SEMA5A: variants seen among roughly 807,000 people sequenced by gnomAD.
SEMA5A encodes the protein semaphorin 5A.
SEMA5A carries 55 observed loss-of-function variants against 135.5 expected under a neutral mutation model. The ratio of observed to expected loss-of-function variants is 0.41; its 90% confidence interval spans 0.33 to 0.51. The LOEUF (loss-of-function observed/expected upper bound fraction) is 0.51. Among genes scored for constraint, SEMA5A ranks in the 20% least tolerant of loss-of-function variants. The probability of loss-of-function intolerance (pLI) is 0.37; values close to 1 mark genes in which losing one functional copy is unlikely to be tolerated. For missense variants in SEMA5A, 1,290 were observed against 1,419.9 expected (o/e 0.91, Z 1.47); for synonymous variants, 580 against 546.5 (o/e 1.06, Z -0.85).
At chr5:9,286,217 A>G (rs1285116597) in intron 5 of SEMA5A, among the ~76,000 whole-genome samples, 1 of 152,130 alleles carries the variant, frequency 6.6e-6, no homozygotes, top group Non-Finnish European at 1.5e-5. Flanking sequence ...ATAAAAAGAA[A>G]CACCCGGGAG....
At chr5:9,136,177 C>T (rs6862429) in intron 13 of SEMA5A, among the ~76,000 whole-genome samples, 90,796 of 151,954 alleles carry the variant, frequency 0.6, 28,349 homozygotes, top group African/African-American at 0.76. Flanking sequence ...CTTTTATTAG[C>T]GCTGTAAGGG....
intron 3 of SEMA5A, among the ~76,000 whole-genome samples, chr5:9,351,450 A>G (rs1305741835): frequency 6.6e-6 from 1 of 150,854 alleles, no homozygotes; most frequent in Non-Finnish European, 1.5e-5. Flanking sequence ...CTTTCTTCAC[A>G]TATTTTATAG....
At chr5:9,209,705 A>G (rs1561024373) in intron 8 of SEMA5A, among the ~76,000 whole-genome samples, 1 of 152,192 alleles carries the variant, frequency 6.6e-6, no homozygotes, top group African/African-American at 2.4e-5. Flanking sequence ...GGGCAAAAAG[A>G]AGACCAAGAC....
intron 2 of SEMA5A, among the ~76,000 whole-genome samples, chr5:9,432,720 A>G (rs969074991): frequency 6.6e-6 from 1 of 152,166 alleles, no homozygotes; most frequent in Non-Finnish European, 1.5e-5. Context: ...ATTTTACATC[A>G]GTGCTCGAGA....
intron 3 of SEMA5A, among the ~76,000 whole-genome samples, chr5:9,345,927 G>C (rs147489945): frequency 9.8e-4 from 149 of 152,262 alleles, no homozygotes; most frequent in Non-Finnish European, 1.9e-3. Context: ...ACATATACAT[G>C]ATAGGGAGAG....
Position 9,119,112 on chromosome 5 carries a change from C to G in SEMA5A, c.1811G>C (p.Trp604Ser). The G allele has an allele frequency of 1.2e-6, 2 of 1,613,798 alleles. No homozygotes were observed. Among genetic ancestry groups the G allele is most frequent in the Non-Finnish European group, 1.7e-6 (2 of 1,179,948 alleles). Residue 604 changes from tryptophan (W) to serine (S), a missense_variant, in exon 15 of 23, where the codon TGG (tryptophan) becomes TCG (serine). By Grantham distance (177) the Trp-to-Ser change is radical. Around this residue, in one of 3 missense-constraint regions of SEMA5A, gnomAD observed 1,029 missense variants for 1,086.6 expected, o/e 0.95. Coordinates refer to ENST00000382496, the MANE Select transcript of SEMA5A (RefSeq NM_003966.3). ...RNGGWTPWTS[W>S]SPCSTTCGIG... ...CCCACAGGTAGTGCTGCAGGGAGAC[C>G]ACGAGGTCCAGGGAGTCCAGCCTCC... is the stretch of plus-strand genomic sequence containing the variant.
Position 9,337,746 on chromosome 5 carries a change from T to C in SEMA5A, c.191A>G (p.Asp64Gly). 1 of 1,611,942 alleles carries C rather than the reference T, an allele frequency of 6.2e-7. No individual in the cohort carries two copies. The highest frequency in any genetic ancestry group is 8.5e-7 in the Non-Finnish European group (1 of 1,178,582). The change falls in exon 4 of 23, where the codon GAC (aspartate) becomes GGC (glycine). Residue 64 changes from aspartate (D) to glycine (G), a missense_variant. By Grantham distance (94) the Asp-to-Gly change is moderately conservative (BLOSUM62 -1). Transcript: ENST00000382496. Reference sequence around the variant, plus strand: ...TACAACAAGTTCTTTCTGTCCTGGGTCAAATGTTAACTGCGAGAAATCCAC... The same window carrying C: ...TACAACAAGTTCTTTCTGTCCTGGGCCAAATGTTAACTGCGAGAAATCCAC... Reference protein sequence around the residue: ...NAVDFSQLTFDPGQKELVVGA... With the variant: ...NAVDFSQLTFGPGQKELVVGA...
chr5:9,412,527 TG>T (rs1193809919), intron 2 of SEMA5A, among the ~76,000 whole-genome samples: 1 of 149,828 alleles, frequency 6.7e-6, no homozygotes. Context: ...CAGTCCCCCT[TG>T]TTATTACAGG....
chr5:9,290,621 A>T (rs1751031128), intron 5 of SEMA5A, among the ~76,000 whole-genome samples: 1 of 152,166 alleles, frequency 6.6e-6, no homozygotes, highest in South Asian at 2.1e-4. Context: ...GCAAATTTAG[A>T]TCCCTTATAT....
intron 11 of SEMA5A, among the ~76,000 whole-genome samples, chr5:9,157,055 G>T (rs1294000256): frequency 3.3e-5 from 5 of 152,256 alleles, no homozygotes; most frequent in African/African-American, 1.2e-4. Context: ...AAAGTGCTCA[G>T]CGTGGGCTTG....
At chr5:9,154,063 AT>A (rs1487560164) in intron 12 of SEMA5A, among the ~76,000 whole-genome samples, 3,902 of 75,118 alleles carry the variant, frequency 0.052, 169 homozygotes, top group Middle Eastern at 0.085. Context: ...AAAAAAAAAA[AT>A]ATATATATAT....
At position 9,507,429 on chromosome 5, in the gene SEMA5A, T is replaced by G. The variant is rs527987770; in HGVS notation, c.-175+38155A>C. On this transcript the variant is annotated intron_variant, in intron 1 of 22. Transcript: ENST00000382496. ...TCCCACACATGCCTTAATCACCTTC[T>G]TCAGGAATAAATTGACTCTCTTGTC... 5.9e-5 allele frequency among the ~76,000 whole-genome samples: 9 copies of G among 152,334 alleles called. No homozygotes were observed. The South Asian group carries it at 1.9e-3, about 32-fold the overall frequency.
chr5:9,417,978 CTT>C (rs113658144), intron 2 of SEMA5A, among the ~76,000 whole-genome samples: 87 of 138,530 alleles, frequency 6.3e-4, no homozygotes, highest in South Asian at 7.0e-4. Context: ...AGTGTCTCTT[CTT>C]TTTTTTTTTT....
At chr5:9,065,565 A>C (rs189373296) in intron 17 of SEMA5A, among the ~76,000 whole-genome samples, 1 of 152,362 alleles carries the variant, frequency 6.6e-6, no homozygotes, top group East Asian at 1.9e-4. Context: ...GCTAAGGCAG[A>C]TCTAAGAATG....
At chr5:9,214,732 GATGC>G (rs1295401262) in intron 8 of SEMA5A, among the ~76,000 whole-genome samples, 3 of 152,170 alleles carry the variant, frequency 2.0e-5, no homozygotes, top group Non-Finnish European at 4.4e-5. Flanking sequence ...ACATTCTGAT[GATGC>G]ATGCTTTGTG....
intron 3 of SEMA5A, 65 bp from the exon 4 acceptor site, chr5:9,337,877 A>C (rs757128382): frequency 9.1e-7 from 1 of 1,098,662 alleles, no homozygotes; most frequent in Non-Finnish European, 1.3e-6. Flanking sequence ...GGGACCACAG[A>C]TAGTGCACAT....
intron 5 of SEMA5A, among the ~76,000 whole-genome samples, chr5:9,249,221 A>C (rs1748644632): frequency 6.6e-6 from 1 of 152,206 alleles, no homozygotes. Context: ...GTGTTTGTGT[A>C]AGGTAAGCTT....
chr5:9,053,663 G>C (rs1271716061), intron 19 of SEMA5A, among the ~76,000 whole-genome samples: 1 of 152,058 alleles, frequency 6.6e-6, no homozygotes, highest in Non-Finnish European at 1.5e-5. Flanking sequence ...CTCCATGGGG[G>C]GCACTAAAAA....
chr5:9,386,546 C>T (rs968351303), intron 2 of SEMA5A, among the ~76,000 whole-genome samples: 5 of 152,134 alleles, frequency 3.3e-5, no homozygotes, highest in African/African-American at 1.2e-4. Flanking sequence ...ATGTCATGAG[C>T]CCCTCATCTG....
Sources: gnomAD v4.1 joint callset for allele counts (sites outside exome capture counted in the v4.1 genomes callset) on GRCh38, gnomAD v4.1.1 for gene constraint, gnomAD v4.1.1 regional missense constraint, MANE v1.5 for transcripts, NCBI Gene and HGNC (gene_info 2026-07-23, HGNC 2026-07-21) for gene names.